The following ST6GAL2 variants were observed in gnomAD, a reference collection of about 807,000 sequenced individuals.
ST6GAL2 encodes the protein beta-galactoside alpha-2,6-sialyltransferase 2.
In ST6GAL2, 24 loss-of-function variants were observed where a neutral mutation model predicts 37.5. The observed-to-expected ratio is 0.64, with a 90% CI of 0.46 to 0.90. The LOEUF is 0.90. Among genes scored for constraint, ST6GAL2 ranks in the 40% least tolerant of loss-of-function variants. The probability of loss-of-function intolerance (pLI) is 0.00; values close to 1 mark genes in which losing one functional copy is unlikely to be tolerated. For synonymous variants in ST6GAL2, 306 were observed against 295.1 expected, an observed-to-expected ratio of 1.04 and a Z score of -0.38; for missense variants, 715 against 712.7, an observed-to-expected ratio of 1.00 and a Z score of -0.04.
At chr2:106,808,282 A>C (rs780113783) in intron 5 of ST6GAL2, among the ~76,000 whole-genome samples, 5 of 152,174 alleles carry the variant, frequency 3.3e-5, no homozygotes, top group Admixed American at 6.5e-5. Context: ...CTGGTGGACA[A>C]GGGGTAGAAG....
In ST6GAL2 at chr2:106,806,868, T is replaced by C; in HGVS notation, c.1400A>G (p.His467Arg). Residue 467 changes from histidine to arginine, a missense_variant, in exon 6 of 6, where the codon CAC becomes CGC. This residue lies in a region of ST6GAL2 where 198 missense variants were observed against 203.6 expected (regional missense o/e 0.97). Coordinates refer to ENST00000409382, the MANE Select transcript of ST6GAL2 (RefSeq NM_001142351.2). ...TGCGTCGTAGTACAGCTCGTGGTAGTGGCACAGCTCCGTCTGCCGCACGGA... is the reference window on the plus strand; with the variant it reads ...TGCGTCGTAGTACAGCTCGTGGTAGCGGCACAGCTCCGTCTGCCGCACGGA... ...IPSVRQTELCHYHELYYDAAC... is the reference protein window; with the variant it reads ...IPSVRQTELCRYHELYYDAAC... 6.2e-7 allele frequency: 1 copy of C among 1,614,206 alleles called. No individual in the cohort carries two copies. The highest frequency in any genetic ancestry group is 1.1e-5 in the South Asian group (1 of 91,076).
Position 106,834,037 on chromosome 2 carries a change from CATCT to C in ST6GAL2, c.1041+8_1041+11del. 1.3e-6 allele frequency: 2 copies of C among 1,592,318 alleles called. No homozygotes were observed. Among genetic ancestry groups the C allele is most frequent in the Non-Finnish European group, 1.7e-6 (2 of 1,161,394 alleles). Reference sequence around the variant, plus strand: ...GAAACATACATCCATGAAAACACTCCATCTGTCTTACCTGCGAATTAATGATGCG... The same window carrying C: ...GAAACATACATCCATGAAAACACTCCGTCTTACCTGCGAATTAATGATGCG... On this transcript the variant is annotated splice_region_variant and intron_variant, in intron 3 of 5. Transcript: ENST00000409382.
At position 106,843,619 on chromosome 2, in the gene ST6GAL2, G is replaced by A; in HGVS notation, c.359C>T (p.Ser120Phe). ...ATCCTCCGGGTAGAAAGCACTTTGA[G>A]ATTTTCTCCCCACCTGGGATGAAAA... Reference protein sequence around the residue: ...EFFSSQVGRKSQSAFYPEDDD... With the variant: ...EFFSSQVGRKFQSAFYPEDDD... Residue 120 changes from serine to phenylalanine, a missense_variant, in exon 2 of 6, where the codon TCT (serine) becomes TTT (phenylalanine). By Grantham distance (155) the Ser-to-Phe change is radical. This residue lies in a region of ST6GAL2 where 512 missense variants were observed against 488.8 expected (regional missense o/e 1.05). Coordinates refer to ENST00000409382, the MANE Select transcript of ST6GAL2 (RefSeq NM_001142351.2). 2 of 1,613,964 alleles carry A rather than the reference G, an allele frequency of 1.2e-6. No homozygotes were observed. The highest frequency in any genetic ancestry group is 2.2e-5 in the South Asian group (2 of 91,088).
At chr2:106,825,737 A>T (rs573487489) in intron 5 of ST6GAL2, among the ~76,000 whole-genome samples, 12 of 152,364 alleles carry the variant, frequency 7.9e-5, no homozygotes, top group African/African-American at 2.9e-4. Context: ...TGGACTTATC[A>T]TACTTTATAA....
intron 1 of ST6GAL2, among the ~76,000 whole-genome samples, chr2:106,845,972 G>C (rs1169646672): frequency 6.6e-6 from 1 of 152,114 alleles, no homozygotes; most frequent in Non-Finnish European, 1.5e-5. Flanking sequence ...AGCATGCATC[G>C]AGGAAGCCCA....
chr2:106,818,938 C>G (rs1675901766), intron 5 of ST6GAL2, among the ~76,000 whole-genome samples: 3 of 152,052 alleles, frequency 2.0e-5, no homozygotes, highest in Non-Finnish European at 4.4e-5. Context: ...TTGAAAAATG[C>G]AATTGACATA....
At chr2:106,818,280 T>C (rs1195194070) in intron 5 of ST6GAL2, among the ~76,000 whole-genome samples, 1 of 152,238 alleles carries the variant, frequency 6.6e-6, no homozygotes, top group Admixed American at 6.5e-5. Context: ...AGTGCTATGC[T>C]GGCTTCAAAA....
chr2:106,842,904 A>G (rs111563217), intron 2 of ST6GAL2, 131 bp downstream of exon 2: 193 of 563,500 alleles, frequency 3.4e-4, no homozygotes, highest in African/African-American at 3.3e-3. Flanking sequence ...TCTCCAGCTA[A>G]TATTAGGAAC....
intron 1 of ST6GAL2, among the ~76,000 whole-genome samples, chr2:106,853,829 C>T (rs1236030323): frequency 6.6e-6 from 1 of 152,188 alleles, no homozygotes; most frequent in Non-Finnish European, 1.5e-5. Context: ...TTCCAGACGT[C>T]TATCAGTGAT....
chr2:106,815,929 G>GT (rs991615695), intron 5 of ST6GAL2, among the ~76,000 whole-genome samples: 3 of 151,544 alleles, frequency 2.0e-5, no homozygotes, highest in Non-Finnish European at 4.4e-5. Flanking sequence ...TCATTCATTT[G>GT]TTTTTTCAAT....
At position 106,834,041 on chromosome 2, in the gene ST6GAL2, T is replaced by C; in HGVS notation, c.1041+8A>G. 1 of 1,600,292 alleles carries C rather than the reference T, an allele frequency of 6.2e-7. No homozygotes were observed. The highest frequency in any genetic ancestry group is 8.6e-7 in the Non-Finnish European group (1 of 1,168,268). Reference sequence around the variant, plus strand: ...CATACATCCATGAAAACACTCCATCTGTCTTACCTGCGAATTAATGATGCG... The same window carrying C: ...CATACATCCATGAAAACACTCCATCCGTCTTACCTGCGAATTAATGATGCG... On this transcript the variant is annotated splice_region_variant and intron_variant, in intron 3 of 5. Transcript: ENST00000409382.
intron 1 of ST6GAL2, among the ~76,000 whole-genome samples, chr2:106,858,220 T>A (rs910068509): frequency 6.6e-6 from 1 of 152,228 alleles, no homozygotes; most frequent in South Asian, 2.1e-4. Context: ...CTCACTTTAC[T>A]CATTTTGCAG....
At chr2:106,869,733 G>C (rs1306833474) in intron 1 of ST6GAL2, among the ~76,000 whole-genome samples, 2 of 152,166 alleles carry the variant, frequency 1.3e-5, no homozygotes, top group African/African-American at 2.4e-5. Context: ...ACACAACAGT[G>C]GGGGGCATCC....
In ST6GAL2 at chr2:106,801,684, A is replaced by C. The variant is rs1675267963; in HGVS notation, c.*4994T>G. On this transcript the variant is annotated 3_prime_UTR_variant, in exon 6 of 6. Transcript: ENST00000409382. The stretch of plus-strand genomic sequence containing the variant: ...ATAAAAATATACAAAACCAAAATAG[A>C]AAATATCCAAGTGTTAAAATGTGTA... 6.6e-6 allele frequency: 1 copy of C among 152,266 alleles called. No individual in the cohort carries two copies. Among genetic ancestry groups the C allele is most frequent in the Admixed American group, 6.5e-5 (1 of 15,290 alleles). The allele number at this position is 152,266 out of a possible 1,614,324, so 9.4% of individuals were successfully genotyped here.
chr2:106,883,520 TTAG>T (rs1467501369), intron 1 of ST6GAL2, among the ~76,000 whole-genome samples: 1 of 152,178 alleles, frequency 6.6e-6, no homozygotes, highest in African/African-American at 2.4e-5. Flanking sequence ...CTTTCCAAAA[TTAG>T]TATATAATTA....
At chr2:106,832,116 A>G (rs1558689744) in intron 4 of ST6GAL2, among the ~76,000 whole-genome samples, 1 of 152,236 alleles carries the variant, frequency 6.6e-6, no homozygotes, top group Non-Finnish European at 1.5e-5. Flanking sequence ...ACACTCAAGA[A>G]GAGCCTGGAA....
intron 1 of ST6GAL2, among the ~76,000 whole-genome samples, chr2:106,855,794 ATC>A (rs561228697): frequency 8.5e-5 from 13 of 152,362 alleles, no homozygotes; most frequent in African/African-American, 2.9e-4. Context: ...TTATATTTAC[ATC>A]TCTGTTTCCA....
chr2:106,835,260 A>G lies in ST6GAL2; in HGVS notation c.944-1114T>C, dbSNP rs183495450. On this transcript the variant is annotated intron_variant, in intron 2 of 5. Transcript: ENST00000409382. ...TGTCTGTGAGGGAGAGGTGAAAAGA[A>G]GTATTTCTGTCATGCCCAAGGGGAG... is the stretch of plus-strand genomic sequence containing the variant. Among the ~76,000 whole-genome samples the G allele has an allele frequency of 2.3e-4, 35 of 152,278 alleles. No homozygotes were observed. In the South Asian group the frequency reaches 6.0e-3, roughly 26 times the overall value.
intron 1 of ST6GAL2, among the ~76,000 whole-genome samples, chr2:106,866,342 T>C (rs1170065899): frequency 6.6e-6 from 1 of 152,220 alleles, no homozygotes; most frequent in East Asian, 1.9e-4. Flanking sequence ...TTGTGTGCTA[T>C]ACCTGAAGTC....
Sources: allele counts gnomAD v4.1 joint callset (sites outside exome capture counted in the v4.1 genomes callset), GRCh38; gene constraint gnomAD v4.1.1; regional missense constraint gnomAD v4.1.1; transcripts MANE v1.5; gene names NCBI Gene and HGNC (gene_info 2026-07-23, HGNC 2026-07-21).